The following MGST1 variants were observed in gnomAD, a reference collection of about 807,000 sequenced individuals.
MGST1 encodes microsomal glutathione S-transferase 1.
Under a neutral mutation model 8.9 loss-of-function variants are expected in MGST1, and 5 were observed. That is an observed-to-expected ratio of 0.56 (90% CI 0.29 to 1.19). MGST1 has a LOEUF of 1.19. MGST1 is among the 50% of genes most tolerant of loss of function. The pLI is 0.08. For synonymous variants in MGST1, 54 were observed against 67.8 expected (o/e 0.80, Z 1.00); for missense variants, 182 against 187.4 (o/e 0.97, Z 0.17).
At chr12:16,510,244 C>T (rs1941567958) in intron 4 of MGST1, among the ~76,000 whole-genome samples, 1 of 150,906 alleles carries the variant, frequency 6.6e-6, no homozygotes, top group South Asian at 2.1e-4. Flanking sequence ...CTTATTTAGA[C>T]ATTAAAGGGA....
At chr12:16,445,768 T>A (rs749778380) in intron 4 of MGST1, among the ~76,000 whole-genome samples, 53 of 151,916 alleles carry the variant, frequency 3.5e-4, no homozygotes, top group Non-Finnish European at 6.2e-4. Context: ...CCTGAAGTTA[T>A]TCCTCCAGAA....
intron 1 of MGST1, among the ~76,000 whole-genome samples, chr12:16,392,210 T>A (rs1940559312): frequency 6.6e-6 from 1 of 152,226 alleles, no homozygotes; most frequent in Admixed American, 6.5e-5. Flanking sequence ...ATATTTTTAC[T>A]TGTCAATCTT....
chr12:16,556,429 A>ACAAT (rs143098278), intron 4 of MGST1, among the ~76,000 whole-genome samples: 4,416 of 152,312 alleles, frequency 0.029, 208 homozygotes, highest in African/African-American at 0.1. Context: ...TATATAAGGG[A>ACAAT]CAATCAATCC....
At position 16,401,738 on chromosome 12, in the gene MGST1, T is replaced by G; in HGVS notation, n.778+18134T>G. On this transcript the variant is annotated intron_variant and non_coding_transcript_variant, in intron 1 of 1. Transcript: ENST00000359720. This position sits in a 1 kb window ranked among gnomAD's most constrained non-coding sequence, Gnocchi z 4.3. Reference sequence around the variant, plus strand: ...AAGGGTCTGCCCCAGCAAGGTATTTTTTCTCTTCAACGGCCTTTTCCACAG... The same window carrying G: ...AAGGGTCTGCCCCAGCAAGGTATTTGTTCTCTTCAACGGCCTTTTCCACAG... The G allele has an allele frequency of 1.2e-6, 2 of 1,600,878 alleles. No homozygotes were observed. The highest frequency in any genetic ancestry group is 1.7e-6 in the Non-Finnish European group (2 of 1,167,962).
intron 1 of MGST1, among the ~76,000 whole-genome samples, chr12:16,431,940 T>G (rs1940942619): frequency 6.6e-6 from 1 of 152,156 alleles, no homozygotes; most frequent in Admixed American, 6.5e-5. Flanking sequence ...TCCCTAAAAT[T>G]TATTCTGTAT....
intron 1 of MGST1, chr12:16,402,480 C>T: frequency 1.3e-6 from 2 of 1,500,782 alleles, no homozygotes; most frequent in African/African-American, 1.4e-5. Context: ...GGCTCTGCCA[C>T]CTGCTCTCGG....
chr12:16,408,350 T>C (rs1209888271), intron 1 of MGST1, among the ~76,000 whole-genome samples: 1 of 152,188 alleles, frequency 6.6e-6, no homozygotes, highest in Non-Finnish European at 1.5e-5. Flanking sequence ...GTAACAAATC[T>C]GCACATGTAC....
chr12:16,453,387 A>C (rs1249241469), intron 4 of MGST1, among the ~76,000 whole-genome samples: 2 of 151,968 alleles, frequency 1.3e-5, no homozygotes, highest in Non-Finnish European at 2.9e-5. Context: ...TCATATTTCA[A>C]TCAGCAGCCT....
At chr12:16,382,694 AG>A (rs1275822728), upstream of MGST1, 1 of 153,012 alleles carries the variant, frequency 6.5e-6, no homozygotes, top group Non-Finnish European at 1.5e-5. Flanking sequence ...AAGTCTGCAG[AG>A]GTTACTGCGG....
chr12:16,494,677 T>C (rs144719579), intron 4 of MGST1, among the ~76,000 whole-genome samples: 1 of 152,294 alleles, frequency 6.6e-6, no homozygotes, highest in East Asian at 1.9e-4. Context: ...GCAAGTTTCC[T>C]GTTGGAAGTA....
chr12:16,589,949 G>T (rs1340386933), downstream of MGST1, among the ~76,000 whole-genome samples: 2 of 151,980 alleles, frequency 1.3e-5, no homozygotes, highest in African/African-American at 4.8e-5. The surrounding 1 kb of genome is among the most constrained non-coding windows in gnomAD (Gnocchi z 4.2). Context: ...ATTTTTTTGT[G>T]CATGAAGTAT....
chr12:16,567,135 G>T (rs141390400), intron 4 of MGST1, among the ~76,000 whole-genome samples: 1 of 152,138 alleles, frequency 6.6e-6, no homozygotes, highest in Non-Finnish European at 1.5e-5. Context: ...GGCGGAGGTT[G>T]CAGTGAGCTG....
intron 4 of MGST1, among the ~76,000 whole-genome samples, chr12:16,473,705 A>C (rs1235173892): frequency 2.6e-5 from 4 of 152,084 alleles, no homozygotes; most frequent in Non-Finnish European, 5.9e-5. Context: ...AATGACTTGC[A>C]ATGCTATTTG....
At chr12:16,486,649 G>T (rs1941400497) in intron 4 of MGST1, among the ~76,000 whole-genome samples, 1 of 152,190 alleles carries the variant, frequency 6.6e-6, no homozygotes, top group Admixed American at 6.5e-5. Flanking sequence ...CTACAGGCTG[G>T]CTTTCCTGGA....
intron 4 of MGST1, among the ~76,000 whole-genome samples, chr12:16,523,370 T>C (rs925509315): frequency 2.0e-5 from 3 of 152,036 alleles, no homozygotes; most frequent in East Asian, 3.9e-4. Context: ...AAAAGACAGA[T>C]TGTTTTCTAG....
chr12:16,557,055 A>T (rs1353348874), intron 4 of MGST1, among the ~76,000 whole-genome samples: 1 of 152,206 alleles, frequency 6.6e-6, no homozygotes, highest in Non-Finnish European at 1.5e-5. Context: ...GAGGAGACAG[A>T]CTTAATTGTG....
chr12:16,549,547 A>G (rs943698761), intron 4 of MGST1: 1 of 152,540 alleles, frequency 6.6e-6, no homozygotes. Context: ...ATAACATTTA[A>G]TTTTCATCTG....
chr12:16,451,869 A>C (rs1941131994), intron 4 of MGST1, among the ~76,000 whole-genome samples: 1 of 151,890 alleles, frequency 6.6e-6, no homozygotes. Context: ...TTATTTGCCT[A>C]GTATTTATGT....
chr12:16,380,673 G>A (rs945971032), downstream of MGST1, among the ~76,000 whole-genome samples: 63 of 152,310 alleles, frequency 4.1e-4, no homozygotes, highest in Non-Finnish European at 7.2e-4. Context: ...TTGGTGCAGA[G>A]CTGAGTTCAA....
Sources: allele counts gnomAD v4.1 joint callset (sites outside exome capture counted in the v4.1 genomes callset), GRCh38; gene constraint gnomAD v4.1.1; non-coding constraint Gnocchi (gnomAD v3.1); transcripts MANE v1.5; gene names NCBI Gene and HGNC (gene_info 2026-07-23, HGNC 2026-07-21).